The following MAP3K2 variants were observed in gnomAD, a reference collection of about 807,000 sequenced individuals.
MAP3K2 encodes the protein MAP/ERK kinase kinase 2.
A neutral mutation model predicts 80.3 loss-of-function variants in MAP3K2; 24 were observed. That is an observed-to-expected ratio of 0.30 (90% CI 0.22 to 0.42). The LOEUF is 0.42. MAP3K2 is among the 10% of genes least tolerant of loss of function. MAP3K2 has a pLI of 1.00. For synonymous variants in MAP3K2, 244 were observed against 253.7 expected, an observed-to-expected ratio of 0.96 and a Z score of 0.36; for missense variants, 608 against 750.1, an observed-to-expected ratio of 0.81 and a Z score of 2.21.
intron 4 of MAP3K2, among the ~76,000 whole-genome samples, chr2:127,336,486 A>C (rs908092705): frequency 1.3e-5 from 2 of 152,214 alleles, no homozygotes; most frequent in Non-Finnish European, 2.9e-5. Context: ...TACTTCCCAA[A>C]GACTGGCCTG....
intron 1 of MAP3K2, among the ~76,000 whole-genome samples, chr2:127,367,433 C>T (rs935469883): frequency 6.6e-6 from 1 of 152,204 alleles, no homozygotes; most frequent in Admixed American, 6.5e-5. Context: ...TGATCTATCT[C>T]TCCTTAAACT....
intron 1 of MAP3K2, among the ~76,000 whole-genome samples, chr2:127,348,517 T>C (rs1686637272): frequency 6.6e-6 from 1 of 152,196 alleles, no homozygotes; most frequent in Non-Finnish European, 1.5e-5. Flanking sequence ...ATATTCCACT[T>C]ACATGAAATG....
At chr2:127,377,388 GTT>G (rs34205221) in intron 1 of MAP3K2, among the ~76,000 whole-genome samples, 10 of 147,780 alleles carry the variant, frequency 6.8e-5, no homozygotes, top group African/African-American at 2.2e-4. Flanking sequence ...AATTTCAGTG[GTT>G]TTTTTTTTTT....
chr2:127,369,382 C>G (rs1406993354), intron 1 of MAP3K2, among the ~76,000 whole-genome samples: 18 of 147,444 alleles, frequency 1.2e-4, no homozygotes, highest in African/African-American at 4.2e-4. Context: ...CCTGTAATCC[C>G]AGCACTTTGG....
intron 7 of MAP3K2, among the ~76,000 whole-genome samples, chr2:127,329,513 C>T (rs1229432929): frequency 7.2e-5 from 11 of 152,192 alleles, no homozygotes; most frequent in Non-Finnish European, 1.6e-4. Context: ...TGCACCACCA[C>T]GCCCAGCTAA....
chr2:127,306,220 G>A lies in MAP3K2; in HGVS notation c.*1359C>T, dbSNP rs907236353. On this transcript the variant is annotated 3_prime_UTR_variant, in exon 17 of 17. Coordinates refer to ENST00000682094, the MANE Select transcript of MAP3K2 (RefSeq NM_001371910.2). The surrounding 1 kb of genome is among the most constrained non-coding windows in gnomAD (Gnocchi z 4.7). ...TGCATTTACTGCTTTGTAAATAGCT[G>A]TTTTCAGTTTATAACTGGGACTGAT... 1 of 152,080 alleles carries A rather than the reference G, an allele frequency of 6.6e-6. No homozygotes were observed. Among genetic ancestry groups the A allele is most frequent in the Non-Finnish European group, 1.5e-5 (1 of 67,992 alleles). The allele number at this position is 152,080 out of a possible 1,614,324, so 9.4% of individuals were successfully genotyped here.
chr2:127,347,470 A>T (rs146597925), intron 1 of MAP3K2, among the ~76,000 whole-genome samples: 2 of 152,266 alleles, frequency 1.3e-5, no homozygotes, highest in East Asian at 3.8e-4. Context: ...AAAATTAAGA[A>T]ATCAATTTCA....
chr2:127,381,582 G>T (rs940940127), intron 1 of MAP3K2, among the ~76,000 whole-genome samples: 3 of 152,128 alleles, frequency 2.0e-5, no homozygotes, highest in Non-Finnish European at 4.4e-5. Flanking sequence ...GCCTGACAAG[G>T]ATCAGCAAAA....
rs1285279764 is a variant in MAP3K2, at chr2:127,298,817, G to A, written c.*8762C>T. On this transcript the variant is annotated 3_prime_UTR_variant, in exon 17 of 17. Transcript: ENST00000682094. The stretch of plus-strand genomic sequence containing the variant: ...CATGTAAGAAAAAGCAGTTTTCATT[G>A]TGCTAATTATTGCAGGCCTTCATGC... 1 of 152,126 alleles carries A rather than the reference G, an allele frequency of 6.6e-6. No homozygotes were observed. Among genetic ancestry groups the A allele is most frequent in the Non-Finnish European group, 1.5e-5 (1 of 68,024 alleles). The allele number at this position is 152,126 out of a possible 1,614,324, so 9.4% of individuals were successfully genotyped here. A position where few individuals can be genotyped will look rare whatever the true frequency, so the allele number is the denominator to read the frequency against.
chr2:127,385,768 A>G (rs1177525906), intron 1 of MAP3K2, among the ~76,000 whole-genome samples: 3 of 152,220 alleles, frequency 2.0e-5, no homozygotes, highest in Admixed American at 6.5e-5. Flanking sequence ...TAGGAAATGC[A>G]GAGTATCAAA....
chr2:127,331,764 C>T (rs147597192), intron 5 of MAP3K2, among the ~76,000 whole-genome samples: 1,825 of 152,264 alleles, frequency 0.012, 37 homozygotes, highest in African/African-American at 0.042. Flanking sequence ...CACCACCACG[C>T]GTGGCTAATT....
intron 1 of MAP3K2, among the ~76,000 whole-genome samples, chr2:127,371,835 G>C (rs1371160562): frequency 1.5e-4 from 23 of 152,200 alleles, no homozygotes; most frequent in Admixed American, 1.5e-3. Context: ...TGTAAAAAGG[G>C]GAAACATTGG....
At chr2:127,384,458 G>A (rs1184384847) in intron 1 of MAP3K2, among the ~76,000 whole-genome samples, 1 of 152,092 alleles carries the variant, frequency 6.6e-6, no homozygotes, top group Non-Finnish European at 1.5e-5. Context: ...GAACACTGAT[G>A]ATTCATGGGA....
rs904588974 is a variant in MAP3K2, at chr2:127,321,600, G to A, written c.1045+446C>T. Among the ~76,000 whole-genome samples the A allele has an allele frequency of 6.6e-6, 1 of 152,170 alleles. No individual in the cohort carries two copies. The highest frequency in any genetic ancestry group is 2.4e-5 in the African/African-American group (1 of 41,428). ...TTTCAAGTAAGATACTCCCACATCA[G>A]CCAAAAATTGAACTATTCCCCATTT... On this transcript the variant is annotated intron_variant, in intron 12 of 16. Transcript: ENST00000682094. The surrounding 1 kb of genome is among the most constrained non-coding windows in gnomAD (Gnocchi z 4.4).
At position 127,321,525 on chromosome 2, in the gene MAP3K2, G is replaced by C. The variant is rs1686019730; in HGVS notation, c.1045+521C>G. ...ATGCACTGCTTACACAGTAAGGTCT[G>C]AATGCTTTGCAATCCAGCCTGAGTT... On this transcript the variant is annotated intron_variant, in intron 12 of 16. Transcript: ENST00000682094. This position sits in a 1 kb window ranked among gnomAD's most constrained non-coding sequence, Gnocchi z 4.4. Among the ~76,000 whole-genome samples the C allele has an allele frequency of 6.6e-6, 1 of 152,226 alleles. No individual in the cohort carries two copies. Among genetic ancestry groups the C allele is most frequent in the South Asian group, 2.1e-4 (1 of 4,832 alleles).
chr2:127,323,194 G>C (rs1421501965), intron 11 of MAP3K2, among the ~76,000 whole-genome samples: 3 of 151,734 alleles, frequency 2.0e-5, no homozygotes, highest in Non-Finnish European at 4.4e-5. Flanking sequence ...TGGAGATCAG[G>C]AGTTTTGAGA....
At chr2:127,376,001 C>A (rs1687145573) in intron 1 of MAP3K2, among the ~76,000 whole-genome samples, 1 of 152,144 alleles carries the variant, frequency 6.6e-6, no homozygotes, top group Admixed American at 6.5e-5. Context: ...ACCACCACGC[C>A]TGACAAACCT....
chr2:127,375,409 TATTTA>T (rs754828826), intron 1 of MAP3K2, among the ~76,000 whole-genome samples: 8 of 144,180 alleles, frequency 5.5e-5, no homozygotes, highest in South Asian at 2.2e-4. Context: ...ATTATTTATT[TATTTA>T]TTTATTTTTT....
rs548103996 is a variant in MAP3K2, at chr2:127,372,086, T to C, written c.-66+15366A>G. Among the ~76,000 whole-genome samples, 9 of 152,144 alleles carry C rather than the reference T, an allele frequency of 5.9e-5. No individual in the cohort carries two copies. The South Asian group carries it at 1.5e-3, about 25-fold the overall frequency. ...AAAGAAGGAGAAGACACTAAAAGGG[T>C]TGCAACCGGGATCTGGGGCCCACTG... is the stretch of plus-strand genomic sequence containing the variant. On this transcript the variant is annotated intron_variant, in intron 1 of 16. Transcript: ENST00000682094.
Sources: allele counts gnomAD v4.1 joint callset (sites outside exome capture counted in the v4.1 genomes callset), GRCh38; gene constraint gnomAD v4.1.1; non-coding constraint Gnocchi (gnomAD v3.1); transcripts MANE v1.5; gene names NCBI Gene and HGNC (gene_info 2026-07-23, HGNC 2026-07-21).